The following NUMBL variants were observed in gnomAD, a reference collection of about 807,000 sequenced individuals.
NUMBL encodes the protein numb-like protein.
NUMBL carries 20 observed loss-of-function variants against 48.9 expected under a neutral mutation model. The ratio of observed to expected loss-of-function variants is 0.41; its 90% CI spans 0.29 to 0.59. NUMBL has a LOEUF of 0.59. Ranked by LOEUF, NUMBL falls within the 20% of genes least tolerant of loss-of-function variation. NUMBL has a pLI of 0.31. For missense variants in NUMBL, 660 were observed against 846.2 expected, an observed-to-expected ratio of 0.78 and a Z score of 2.73; for synonymous variants, 340 against 348.7, an observed-to-expected ratio of 0.98 and a Z score of 0.28.
intron 7 of NUMBL, among the ~76,000 whole-genome samples, chr19:40,675,335 C>T (rs750245892): frequency 6.0e-5 from 9 of 150,950 alleles, no homozygotes; most frequent in African/African-American, 9.7e-5. Flanking sequence ...AAAAGATGTT[C>T]TTTTTTTTCC....
intron 7 of NUMBL, among the ~76,000 whole-genome samples, chr19:40,675,616 G>T (rs1599906046): frequency 7.9e-6 from 1 of 126,188 alleles, no homozygotes; most frequent in African/African-American, 3.2e-5. Context: ...CACACACACA[G>T]AGTTTTAGAA....
Position 40,669,910 on chromosome 19 carries a change from G to T in NUMBL, c.1147C>A (p.Pro383Thr), listed in dbSNP as rs1383501184. 2 of 1,613,552 alleles carry T rather than the reference G, an allele frequency of 1.2e-6. No individual in the cohort carries two copies. Among genetic ancestry groups the T allele is most frequent in the East Asian group, 2.2e-5 (1 of 44,866 alleles). ...SAGAPAPGPPPATTGTSAWGE... is the reference protein window; with the variant it reads ...SAGAPAPGPPTATTGTSAWGE... Reference sequence around the variant, plus strand: ...AGCCTGGCTTTACCTGTTGTGGCAGGTGGTGGCCCTGGTGCTGGCGCTCCA... The same window carrying T: ...AGCCTGGCTTTACCTGTTGTGGCAGTTGGTGGCCCTGGTGCTGGCGCTCCA... The change falls in exon 9 of 10, where the codon CCT becomes ACT. Residue 383 changes from proline (P) to threonine (T), a missense_variant. This residue lies in a region of NUMBL where 296 missense variants were observed against 339.7 expected (regional missense o/e 0.87). Transcript: ENST00000252891.
chr19:40,667,207 G>T lies in NUMBL; in HGVS notation c.*261C>A. Reference sequence around the variant, plus strand: ...GTGGCCAACCCCTGTGTCTGGGGTTGGGGAAGGGGGCATTGCCAGCCTAAG... The same window carrying T: ...GTGGCCAACCCCTGTGTCTGGGGTTTGGGAAGGGGGCATTGCCAGCCTAAG... On this transcript the variant is annotated 3_prime_UTR_variant, in exon 10 of 10. Transcript: ENST00000252891. The surrounding 1 kb of genome is among the most constrained non-coding windows in gnomAD (Gnocchi z 6.1). 2.0e-6 allele frequency: 1 copy of T among 496,194 alleles called. No individual in the cohort carries two copies. The highest frequency in any genetic ancestry group is 3.6e-6 in the Non-Finnish European group (1 of 274,512). 30.7% of individuals were successfully genotyped at this position (496,194 alleles called of 1,614,324 possible).
At chr19:40,677,518 C>G in intron 6 of NUMBL, 97 bp from the exon 7 acceptor site, 1 of 1,102,354 alleles carries the variant, frequency 9.1e-7, no homozygotes, top group Non-Finnish European at 1.3e-6. Flanking sequence ...TGGGTTGCCC[C>G]GGATGAGTCT....
At chr19:40,680,775 C>T (rs2081900920) in intron 6 of NUMBL, 142 bp downstream of exon 6, 1 of 931,446 alleles carries the variant, frequency 1.1e-6, no homozygotes, top group Non-Finnish European at 1.7e-6. Context: ...AAATTGGGAA[C>T]CGTGAGTATA....
intron 1 of NUMBL, among the ~76,000 whole-genome samples, chr19:40,689,062 TAG>T (rs1352485849): frequency 2.6e-5 from 4 of 152,050 alleles, no homozygotes. Flanking sequence ...TAAAATCAGG[TAG>T]AGACACAACT....
At position 40,682,782 on chromosome 19, in the gene NUMBL, C is replaced by G; in HGVS notation, c.345G>C (p.Lys115Asn). Residue 115 changes from lysine to asparagine, a missense_variant, in exon 5 of 10, where the codon AAG becomes AAC. Coordinates refer to ENST00000252891, the MANE Select transcript of NUMBL (RefSeq NM_004756.5). This position sits in a 1 kb window ranked among gnomAD's most constrained non-coding sequence, Gnocchi z 4.0. ...KLKAMGRKSV[K>N]SVLWVSADGL... ...CATCGGCTGACACCCACAGGACAGA[C>G]TTCACGGACTTTCGGCCCATCTGGA... is the stretch of plus-strand genomic sequence containing the variant. 1.2e-6 allele frequency: 2 copies of G among 1,614,224 alleles called. No individual in the cohort carries two copies. Among genetic ancestry groups the G allele is most frequent in the Non-Finnish European group, 1.7e-6 (2 of 1,180,042 alleles).
At chr19:40,683,035 C>A in intron 3 of NUMBL, 67 bp from the exon 4 acceptor site, 1 of 1,353,794 alleles carries the variant, frequency 7.4e-7, no homozygotes, top group Non-Finnish European at 1.1e-6. Flanking sequence ...TCAGTGTCCA[C>A]TGAGCATCTG....
intron 8 of NUMBL, among the ~76,000 whole-genome samples, chr19:40,672,275 G>A (rs1009147772): frequency 2.0e-5 from 3 of 152,014 alleles, no homozygotes; most frequent in East Asian, 1.9e-4. Context: ...TTTCCCCCAC[G>A]GAGCTCTTTG....
chr19:40,684,746 C>A, intron 2 of NUMBL, 190 bp from the exon 3 acceptor site: 1 of 785,266 alleles, frequency 1.3e-6, no homozygotes, highest in Non-Finnish European at 1.9e-6. Flanking sequence ...AAGGAGCCAA[C>A]AGAAGCCAGG....
intron 2 of NUMBL, 54 bp from the exon 3 acceptor site, chr19:40,684,610 G>A (rs1220731682): frequency 1.3e-6 from 2 of 1,549,308 alleles, no homozygotes; most frequent in African/African-American, 1.4e-5. Flanking sequence ...AAGGTATGGA[G>A]CTCAACGGGG....
intron 3 of NUMBL, among the ~76,000 whole-genome samples, chr19:40,683,228 T>C (rs2081914887): frequency 6.6e-6 from 1 of 152,174 alleles, no homozygotes; most frequent in Admixed American, 6.5e-5. Flanking sequence ...ACCGTGGTCC[T>C]CCCGAGAGCT....
intron 1 of NUMBL, among the ~76,000 whole-genome samples, chr19:40,689,868 G>A (rs1218194900): frequency 4.0e-5 from 6 of 151,782 alleles, no homozygotes; most frequent in Non-Finnish European, 8.8e-5. Context: ...GGAGTCCCAG[G>A]CACAGGGACC....
rs772868730 is a variant in NUMBL at position 40,667,700 on chromosome 19, A to T, written c.1598T>A (p.Leu533Gln). 1 of 1,578,324 alleles carries T rather than the reference A, an allele frequency of 6.3e-7. No homozygotes were observed. Among genetic ancestry groups the T allele is most frequent in the Non-Finnish European group, 8.6e-7 (1 of 1,162,400 alleles). ...AAQLQPQPAT[L>Q]LGKAGAFPPP... ...CGGGAAGGCCCCAGCTTTCCCAAGCAGAGTGGCAGGCTGAGGCTGGAGCTG... is the reference window on the plus strand; with the variant it reads ...CGGGAAGGCCCCAGCTTTCCCAAGCTGAGTGGCAGGCTGAGGCTGGAGCTG... The change falls in exon 10 of 10, where the codon CTG becomes CAG. Residue 533 changes from leucine (L) to glutamine (Q), a missense_variant. Coordinates refer to ENST00000252891, the MANE Select transcript of NUMBL (RefSeq NM_004756.5). This position sits in a 1 kb window ranked among gnomAD's most constrained non-coding sequence, Gnocchi z 6.1.
chr19:40,671,251 T>C (rs2081846027), intron 8 of NUMBL, among the ~76,000 whole-genome samples: 1 of 152,082 alleles, frequency 6.6e-6, no homozygotes, highest in Admixed American at 6.6e-5. Flanking sequence ...AGTGCTGGGA[T>C]TACAGGTGTG....
intron 2 of NUMBL, 103 bp from the exon 3 acceptor site, chr19:40,684,659 G>A (rs926746763): frequency 1.2e-5 from 17 of 1,435,840 alleles, no homozygotes; most frequent in African/African-American, 1.0e-4. Flanking sequence ...CAGATAACAA[G>A]ATAACTGGAA....
Position 40,667,211 on chromosome 19 carries a change from A to T in NUMBL, c.*257T>A. ...CCAACCCCTGTGTCTGGGGTTGGGG[A>T]AGGGGGCATTGCCAGCCTAAGTCCG... On this transcript the variant is annotated 3_prime_UTR_variant, in exon 10 of 10. Coordinates refer to ENST00000252891, the MANE Select transcript of NUMBL (RefSeq NM_004756.5). This position sits in a 1 kb window ranked among gnomAD's most constrained non-coding sequence, Gnocchi z 6.1. 1 of 499,340 alleles carries T rather than the reference A, an allele frequency of 2.0e-6. No individual in the cohort carries two copies. The allele number at this position is 499,340 out of a possible 1,614,324, so 30.9% of individuals were successfully genotyped here.
At position 40,683,441 on chromosome 19, in the gene NUMBL, C is replaced by T. The variant is rs1185098512; in HGVS notation, c.250-473G>A. ...GGGAAAGCTCAGTTGCACACTGCTG[C>T]AGTTTTAATAACACACCCTTTACTG... On this transcript the variant is annotated intron_variant, in intron 3 of 9. Transcript: ENST00000252891. 2.0e-5 allele frequency among the ~76,000 whole-genome samples: 3 copies of T among 152,234 alleles called. No homozygotes were observed. In the East Asian group the frequency reaches 5.8e-4, roughly 29 times the overall value.
chr19:40,677,217 T>G lies in NUMBL; in HGVS notation c.730+15A>C. 1 of 1,550,584 alleles carries G rather than the reference T, an allele frequency of 6.4e-7. No homozygotes were observed. The highest frequency in any genetic ancestry group is 8.7e-7 in the Non-Finnish European group (1 of 1,147,640). On this transcript the variant is annotated intron_variant, in intron 7 of 9. Transcript: ENST00000252891. ...GCCCACTCTGTGCTCTGCTGGCGCT[T>G]GGGGCAACACCCACCTTTCTTCTTG...
Sources: gnomAD v4.1 joint callset for allele counts (sites outside exome capture counted in the v4.1 genomes callset) on GRCh38, gnomAD v4.1.1 for gene constraint, gnomAD v4.1.1 regional missense constraint, Gnocchi (gnomAD v3.1) non-coding constraint, MANE v1.5 for transcripts, NCBI Gene and HGNC (gene_info 2026-07-23, HGNC 2026-07-21) for gene names.